RIMS2: variants seen among roughly 807,000 people sequenced by gnomAD.
RIMS2 encodes the protein regulating synaptic membrane exocytosis 2, also known as regulating synaptic membrane exocytosis protein 2.
In RIMS2, 59 loss-of-function variants were observed where a neutral mutation model predicts 174.4. The ratio of observed to expected loss-of-function variants is 0.34; its 90% CI spans 0.27 to 0.42. The LOEUF (loss-of-function observed/expected upper bound fraction) is 0.42. RIMS2 is among the 10% of genes least tolerant of loss of function. The pLI, the probability that RIMS2 is intolerant of heterozygous loss-of-function variation, is 1.00. For synonymous variants in RIMS2, 606 were observed against 572.5 expected, an observed-to-expected ratio of 1.06 and a Z score of -0.84; for missense variants, 1,620 against 1,666.3, an observed-to-expected ratio of 0.97 and a Z score of 0.48.
intron 6 of RIMS2, 40 bp downstream of exon 9, chr8:103,912,212 T>C (rs749306574): frequency 7.3e-6 from 11 of 1,514,196 alleles, no homozygotes; most frequent in Non-Finnish European, 9.9e-6. Context: ...TCTATACTCT[T>C]ACAGATTTAC....
At chr8:103,999,012 A>T (rs972923184) in intron 17 of RIMS2, among the ~76,000 whole-genome samples, 2 of 151,806 alleles carry the variant, frequency 1.3e-5, no homozygotes, top group African/African-American at 4.8e-5. Context: ...TCAAGGCTGT[A>T]TGGAGATTTA....
chr8:104,081,601 A>G (rs547781853), intron 19 of RIMS2, among the ~76,000 whole-genome samples: 1 of 152,120 alleles, frequency 6.6e-6, no homozygotes, highest in African/African-American at 2.4e-5. Context: ...CCAGTGTCCC[A>G]TTAAAATGAA....
intron 19 of RIMS2, among the ~76,000 whole-genome samples, chr8:104,026,114 G>T (rs1369051943): frequency 6.6e-6 from 1 of 152,148 alleles, no homozygotes. Context: ...TAGTAATCAT[G>T]ATGCTATTTT....
At chr8:104,035,315 G>T (rs1265442210) in intron 19 of RIMS2, among the ~76,000 whole-genome samples, 1 of 151,532 alleles carries the variant, frequency 6.6e-6, no homozygotes, top group Non-Finnish European at 1.5e-5. Flanking sequence ...TGATTTAACA[G>T]TATTTTTGAA....
At chr8:103,946,600 A>C (rs183277314) in intron 14 of RIMS2, among the ~76,000 whole-genome samples, 353 of 152,362 alleles carry the variant, frequency 2.3e-3, no homozygotes, top group African/African-American at 8.2e-3. Context: ...AACATTGTTC[A>C]GAGAAATGAA....
intron 1 of RIMS2, among the ~76,000 whole-genome samples, chr8:103,546,548 G>T (rs1845202851): frequency 6.6e-6 from 1 of 152,138 alleles, no homozygotes; most frequent in Non-Finnish European, 1.5e-5. Flanking sequence ...GACAGCTACA[G>T]AACTCTTCAC....
At chr8:104,062,352 C>G (rs982449840) in intron 19 of RIMS2, among the ~76,000 whole-genome samples, 2 of 151,906 alleles carry the variant, frequency 1.3e-5, no homozygotes, top group Non-Finnish European at 2.9e-5. Context: ...TGCGGTGAGC[C>G]GAGATTGCAC....
At position 103,599,726 on chromosome 8, in the gene RIMS2, A is replaced by C. The variant is rs1588641372; in HGVS notation, c.177-97360A>C. Reference sequence around the variant, plus strand: ...TTGGCCTCTGAAGTGCTGGGATTACAGGCATGAGCCACTGTACCTGGTCAT... The same window carrying C: ...TTGGCCTCTGAAGTGCTGGGATTACCGGCATGAGCCACTGTACCTGGTCAT... On this transcript the variant is annotated intron_variant, in intron 1 of 23. Transcript: ENST00000504942. 3.9e-5 allele frequency among the ~76,000 whole-genome samples: 6 copies of C among 152,222 alleles called. No individual in the cohort carries two copies. In the South Asian group the frequency reaches 1.2e-3, roughly 32 times the overall value.
At chr8:103,738,155 T>C (rs2097711063) in intron 2 of RIMS2, among the ~76,000 whole-genome samples, 1 of 152,184 alleles carries the variant, frequency 6.6e-6, no homozygotes. Context: ...CTGATATCAC[T>C]AATTTTCTTC....
chr8:104,145,433 A>G (rs2098628039), intron 19 of RIMS2, among the ~76,000 whole-genome samples: 2 of 152,062 alleles, frequency 1.3e-5, no homozygotes, highest in Admixed American at 1.3e-4. Context: ...AATATTGCCC[A>G]TAATTACAAA....
chr8:103,995,020 C>T (rs2094983075), intron 17 of RIMS2, among the ~76,000 whole-genome samples: 1 of 151,874 alleles, frequency 6.6e-6, no homozygotes, highest in African/African-American at 2.4e-5. Context: ...CCTTTTAAAG[C>T]AGTAAAGCCC....
chr8:103,567,994 A>G (rs1231942020), intron 1 of RIMS2, among the ~76,000 whole-genome samples: 1 of 152,142 alleles, frequency 6.6e-6, no homozygotes, highest in African/African-American at 2.4e-5. Context: ...TTGGCCTGGC[A>G]TGGTGGCTTA....
chr8:103,607,697 T>G (rs2134029099), intron 1 of RIMS2, among the ~76,000 whole-genome samples: 1 of 137,084 alleles, frequency 7.3e-6, no homozygotes, highest in African/African-American at 2.9e-5. Flanking sequence ...GCTTTGCTCA[T>G]TTCTTTTTAT....
At chr8:104,155,852 A>G (rs140015653) in intron 19 of RIMS2, among the ~76,000 whole-genome samples, 7 of 152,316 alleles carry the variant, frequency 4.6e-5, no homozygotes, top group East Asian at 1.9e-4. Context: ...TCAGCCCCCA[A>G]TAAAGACACT....
At chr8:103,534,037 T>G (rs1296120055) in intron 1 of RIMS2, among the ~76,000 whole-genome samples, 4 of 152,234 alleles carry the variant, frequency 2.6e-5, no homozygotes, top group Non-Finnish European at 5.9e-5. Context: ...GAACTGTTTC[T>G]GAAAAATACA....
chr8:103,882,839 C>A (rs2099174732), intron 3 of RIMS2, among the ~76,000 whole-genome samples: 2 of 151,624 alleles, frequency 1.3e-5, no homozygotes, highest in South Asian at 4.2e-4. Flanking sequence ...AATATAATCC[C>A]CTGTTATAAA....
At chr8:104,099,175 A>C (rs926554120) in intron 19 of RIMS2, among the ~76,000 whole-genome samples, 5 of 152,232 alleles carry the variant, frequency 3.3e-5, no homozygotes, top group Admixed American at 2.0e-4. Flanking sequence ...ACAGCTGAAC[A>C]TAAGTTTCTA....
chr8:103,525,529 A>G (rs1182034734), intron 1 of RIMS2, among the ~76,000 whole-genome samples: 2 of 152,164 alleles, frequency 1.3e-5, no homozygotes, highest in Non-Finnish European at 2.9e-5. Context: ...TGGGTTAGTT[A>G]CCAACCCTTG....
chr8:103,539,584 C>T (rs1189372096), intron 1 of RIMS2, among the ~76,000 whole-genome samples: 2 of 152,154 alleles, frequency 1.3e-5, no homozygotes, highest in African/African-American at 4.8e-5. Context: ...TTGTTGAAAC[C>T]ACCATCATCC....
Sources: allele counts gnomAD v4.1 joint callset (sites outside exome capture counted in the v4.1 genomes callset), GRCh38; gene constraint gnomAD v4.1.1; transcripts MANE v1.5; gene names NCBI Gene and HGNC (gene_info 2026-07-23, HGNC 2026-07-21).